Variants in PDCD1LG2 observed in about 807,000 individuals in gnomAD.
PDCD1LG2 encodes B7 dendritic cell molecule.
A neutral mutation model predicts 28.2 loss-of-function variants in PDCD1LG2; 32 were observed. The ratio of observed to expected loss-of-function variants is 1.13; its 90% CI spans 0.86 to 1.52. The LOEUF (loss-of-function observed/expected upper bound fraction) is 1.52, where lower values mean the gene tolerates loss of function less well. Among genes scored for constraint, PDCD1LG2 ranks in the 40% most tolerant of loss-of-function variants. The pLI is 0.00. For missense variants in PDCD1LG2, 385 were observed against 323.8 expected (o/e 1.19, Z -1.45); for synonymous variants, 116 against 120.2 (o/e 0.97, Z 0.23).
At chr9:5,558,435 G>A (rs571662357) in intron 5 of PDCD1LG2, among the ~76,000 whole-genome samples, 2 of 152,208 alleles carry the variant, frequency 1.3e-5, no homozygotes, top group East Asian at 1.9e-4. Context: ...TTCCTGGGTG[G>A]AGCCTGCCCA....
chr9:5,539,955 C>T (rs1820657332), intron 3 of PDCD1LG2, among the ~76,000 whole-genome samples: 2 of 152,142 alleles, frequency 1.3e-5, no homozygotes, highest in South Asian at 2.1e-4. Flanking sequence ...TATTCATCAG[C>T]ATATGGAACA....
chr9:5,527,206 A>T (rs893103386), intron 2 of PDCD1LG2, among the ~76,000 whole-genome samples: 7 of 150,770 alleles, frequency 4.6e-5, no homozygotes, highest in Admixed American at 2.0e-4. Context: ...TTCTTTTTTT[A>T]AAAAAGTCTT....
At chr9:5,546,041 A>C (rs997550839) in intron 3 of PDCD1LG2, among the ~76,000 whole-genome samples, 1 of 152,138 alleles carries the variant, frequency 6.6e-6, no homozygotes, top group Non-Finnish European at 1.5e-5. Context: ...CCAAATAAGA[A>C]AGAGGCTGTG....
chr9:5,554,383 A>G (rs1816395072), intron 4 of PDCD1LG2, among the ~76,000 whole-genome samples: 1 of 152,188 alleles, frequency 6.6e-6, no homozygotes, highest in African/African-American at 2.4e-5. Context: ...CCAAAGTCAC[A>G]CATCTGCCTC....
At chr9:5,553,340 G>A (rs1816375040) in intron 4 of PDCD1LG2, among the ~76,000 whole-genome samples, 1 of 152,120 alleles carries the variant, frequency 6.6e-6, no homozygotes, top group South Asian at 2.1e-4. Context: ...CCTCTAAAGA[G>A]GATTAAATAT....
intron 5 of PDCD1LG2, among the ~76,000 whole-genome samples, chr9:5,561,448 G>T (rs1816561279): frequency 6.6e-6 from 1 of 152,158 alleles, no homozygotes; most frequent in South Asian, 2.1e-4. Flanking sequence ...CATACAGCTG[G>T]GATTTGAATA....
At chr9:5,511,739 C>G (rs1050547746) in intron 1 of PDCD1LG2, among the ~76,000 whole-genome samples, 1 of 152,172 alleles carries the variant, frequency 6.6e-6, no homozygotes, top group Non-Finnish European at 1.5e-5. Flanking sequence ...GCCACTGGAA[C>G]CTGATCTATT....
In PDCD1LG2 at chr9:5,557,263, GGATT is replaced by G. The variant is rs927855297; in HGVS notation, c.632-351_632-348del. On this transcript the variant is annotated intron_variant, in intron 4 of 6. Coordinates refer to ENST00000397747, the MANE Select transcript of PDCD1LG2 (RefSeq NM_025239.4). ...AAAGATGATTAGATGATAGATGGATGGATTGATGGATGGATGGAAAAAAATAACA... is the reference window on the plus strand; with the variant it reads ...AAAGATGATTAGATGATAGATGGATGGATGGATGGATGGAAAAAAATAACA... Among the ~76,000 whole-genome samples the G allele has an allele frequency of 1.3e-4, 20 of 151,174 alleles. No individual in the cohort carries two copies. The South Asian group carries it at 1.9e-3, about 14-fold the overall frequency.
At chr9:5,515,928 A>AAG (rs1176663803) in intron 1 of PDCD1LG2, among the ~76,000 whole-genome samples, 10 of 132,132 alleles carry the variant, frequency 7.6e-5, no homozygotes. Context: ...ATCTCAAAAA[A>AAG]AAAAAAAAAA....
intron 4 of PDCD1LG2, among the ~76,000 whole-genome samples, chr9:5,555,109 C>A (rs1816410846): frequency 6.6e-6 from 1 of 152,132 alleles, no homozygotes; most frequent in Non-Finnish European, 1.5e-5. Flanking sequence ...ATCATTATAT[C>A]ATTGCTAAGA....
At chr9:5,526,464 G>T (rs1469494971) in intron 2 of PDCD1LG2, among the ~76,000 whole-genome samples, 3 of 151,990 alleles carry the variant, frequency 2.0e-5, no homozygotes, top group African/African-American at 7.3e-5. Context: ...TAGAGACAGG[G>T]TCTTCCTCTG....
chr9:5,524,443 G>T (rs1410530432), intron 2 of PDCD1LG2, among the ~76,000 whole-genome samples: 1 of 152,212 alleles, frequency 6.6e-6, no homozygotes, highest in East Asian at 1.9e-4. Context: ...AAGTAAAAAT[G>T]TAGCGCTTTC....
At chr9:5,515,922 CAAAAAAAAAA>C (rs1204038026) in intron 1 of PDCD1LG2, among the ~76,000 whole-genome samples, 13 of 30,300 alleles carry the variant, frequency 4.3e-4, no homozygotes, top group East Asian at 1.7e-3. Flanking sequence ...GACTCCATCT[CAAAAAAAAAA>C]AAAAAAAAAA....
chr9:5,519,338 G>A (rs1401834607), intron 1 of PDCD1LG2, among the ~76,000 whole-genome samples: 1 of 152,154 alleles, frequency 6.6e-6, no homozygotes, highest in Non-Finnish European at 1.5e-5. Flanking sequence ...CATTTGAAAG[G>A]TGTGCTCATG....
chr9:5,555,688 A>G (rs998860806), intron 4 of PDCD1LG2, among the ~76,000 whole-genome samples: 1 of 152,220 alleles, frequency 6.6e-6, no homozygotes, highest in African/African-American at 2.4e-5. Context: ...TGTTGTCCCT[A>G]TAAAATTGTC....
intron 3 of PDCD1LG2, among the ~76,000 whole-genome samples, chr9:5,543,410 G>C (rs1039639676): frequency 6.6e-6 from 1 of 152,052 alleles, no homozygotes; most frequent in South Asian, 2.1e-4. Context: ...GTGGTGGCAG[G>C]CACCTGCAGT....
chr9:5,529,174 A>T (rs1427571387), intron 2 of PDCD1LG2, among the ~76,000 whole-genome samples: 2 of 152,200 alleles, frequency 1.3e-5, no homozygotes, highest in African/African-American at 4.8e-5. Flanking sequence ...TGATTTATCA[A>T]TGTTTTCTTT....
At chr9:5,527,503 C>A (rs1820402346) in intron 2 of PDCD1LG2, among the ~76,000 whole-genome samples, 1 of 152,132 alleles carries the variant, frequency 6.6e-6, no homozygotes, top group Admixed American at 6.5e-5. Context: ...TACCTGTTTG[C>A]TGTTGAGTAT....
chr9:5,537,199 T>C (rs985827589), intron 3 of PDCD1LG2, among the ~76,000 whole-genome samples: 8 of 152,234 alleles, frequency 5.3e-5, no homozygotes, highest in African/African-American at 1.9e-4. Context: ...CGAAACTGCT[T>C]CCATTCCCAT....
Sources: allele counts gnomAD v4.1 joint callset (sites outside exome capture counted in the v4.1 genomes callset), GRCh38; gene constraint gnomAD v4.1.1; transcripts MANE v1.5; gene names NCBI Gene and HGNC (gene_info 2026-07-23, HGNC 2026-07-21).